The following CAP2 variants were observed in gnomAD, a reference collection of about 807,000 sequenced individuals.
CAP2 encodes cyclase associated actin cytoskeleton regulatory protein 2.
A neutral mutation model predicts 57.7 loss-of-function variants in CAP2; 24 were observed. The observed-to-expected ratio is 0.42, with a 90% CI of 0.30 to 0.58. The LOEUF (loss-of-function observed/expected upper bound fraction) is 0.58, where lower values mean the gene tolerates loss of function less well. Among genes scored for constraint, CAP2 ranks in the 20% least tolerant of loss-of-function variants. CAP2 has a pLI of 0.22. For missense variants in CAP2, 501 were observed against 590.3 expected (o/e 0.85, Z 1.57); for synonymous variants, 194 against 207.2 (o/e 0.94, Z 0.55).
At chr6:17,506,979 A>G (rs1159742351) in intron 4 of CAP2, among the ~76,000 whole-genome samples, 190 bp from the exon 5 acceptor site, 1 of 152,236 alleles carries the variant, frequency 6.6e-6, no homozygotes, top group Non-Finnish European at 1.5e-5. Context: ...TTCATACTTC[A>G]GACAGTAAAA....
At chr6:17,421,727 T>C in intron 2 of CAP2, 51 bp downstream of exon 2, 1 of 1,605,316 alleles carries the variant, frequency 6.2e-7, no homozygotes, top group Non-Finnish European at 8.5e-7. Flanking sequence ...GTTACTTCAT[T>C]TTGTTTCCAT....
chr6:17,548,333 C>G (rs1490853259), intron 11 of CAP2, among the ~76,000 whole-genome samples: 1 of 151,210 alleles, frequency 6.6e-6, no homozygotes, highest in East Asian at 1.9e-4. Context: ...CGCCACTGCA[C>G]TCCAGCCTGG....
intron 4 of CAP2, among the ~76,000 whole-genome samples, 168 bp from the exon 5 acceptor site, chr6:17,507,001 C>T (rs1456442145): frequency 3.3e-5 from 5 of 152,142 alleles, no homozygotes; most frequent in Non-Finnish European, 5.9e-5. Context: ...CACGGCATTA[C>T]CATAACCAAG....
intron 4 of CAP2, among the ~76,000 whole-genome samples, chr6:17,498,967 G>A (rs1301243945): frequency 6.6e-6 from 1 of 151,656 alleles, no homozygotes; most frequent in African/African-American, 2.4e-5. Flanking sequence ...CTGACCTCGT[G>A]ATCCGCCCTC....
Position 17,400,809 on chromosome 6 carries a change from G to A in CAP2, c.-2+7063G>A, listed in dbSNP as rs372897100. 1.3e-4 allele frequency among the ~76,000 whole-genome samples: 19 copies of A among 150,858 alleles called. No homozygotes were observed. The East Asian group carries it at 3.1e-3, about 25-fold the overall frequency. Reference sequence around the variant, plus strand: ...GAACCCAGGAGGCAGAGCTTGCAGTGAGCCGAGATCGCGCCATTGCATTCC... The same window carrying A: ...GAACCCAGGAGGCAGAGCTTGCAGTAAGCCGAGATCGCGCCATTGCATTCC... On this transcript the variant is annotated intron_variant, in intron 1 of 12. Transcript: ENST00000229922.
chr6:17,397,673 C>T (rs1461015238), intron 1 of CAP2, among the ~76,000 whole-genome samples: 5 of 123,626 alleles, frequency 4.0e-5, no homozygotes, highest in Non-Finnish European at 6.2e-5. Context: ...CCAGCCTGGG[C>T]GACAGAGCGA....
In CAP2 at chr6:17,538,312, C is replaced by T. The variant is rs185267647; in HGVS notation, c.637-957C>T. Among the ~76,000 whole-genome samples the T allele has an allele frequency of 5.9e-5, 9 of 151,762 alleles. No homozygotes were observed. In the East Asian group the frequency reaches 1.8e-3, roughly 30 times the overall value. On this transcript the variant is annotated intron_variant, in intron 7 of 12. Transcript: ENST00000229922. ...AAAAAAAAAAAAATTAAAAATTAGC[C>T]AGTTAGAGTGGCACATGCCTGTTGT...
At chr6:17,429,762 T>C (rs996792639) in intron 3 of CAP2, among the ~76,000 whole-genome samples, 4 of 152,180 alleles carry the variant, frequency 2.6e-5, no homozygotes, top group African/African-American at 9.7e-5. Flanking sequence ...GAAACACTTG[T>C]CATCTGAAAG....
At chr6:17,506,404 G>A (rs1043617741) in intron 4 of CAP2, among the ~76,000 whole-genome samples, 15 of 152,188 alleles carry the variant, frequency 9.9e-5, no homozygotes, top group African/African-American at 3.4e-4. Flanking sequence ...TGTAATCCCA[G>A]TACTTTGGGA....
intron 1 of CAP2, among the ~76,000 whole-genome samples, chr6:17,411,075 A>T (rs1759132206): frequency 6.6e-6 from 1 of 152,160 alleles, no homozygotes; most frequent in South Asian, 2.1e-4. Context: ...ACTTTCATTT[A>T]GTGTAATGCT....
intron 4 of CAP2, among the ~76,000 whole-genome samples, chr6:17,490,792 C>T (rs1333048481): frequency 6.6e-6 from 1 of 152,168 alleles, no homozygotes; most frequent in Non-Finnish European, 1.5e-5. Context: ...ACTGGGGCAG[C>T]CAGGGCAGCA....
chr6:17,441,271 G>A (rs182767218), intron 3 of CAP2, among the ~76,000 whole-genome samples: 1 of 151,300 alleles, frequency 6.6e-6, no homozygotes, highest in Non-Finnish European at 1.5e-5. Context: ...ATTTCACAGT[G>A]GCAAAGAGAA....
intron 7 of CAP2, among the ~76,000 whole-genome samples, chr6:17,515,336 C>T (rs1440675269): frequency 6.6e-6 from 1 of 152,194 alleles, no homozygotes; most frequent in African/African-American, 2.4e-5. Flanking sequence ...AGACCACTAT[C>T]CTAAGCTAAT....
At chr6:17,398,580 A>AGT (rs1203401567) in intron 1 of CAP2, among the ~76,000 whole-genome samples, 5 of 150,440 alleles carry the variant, frequency 3.3e-5, no homozygotes, top group Non-Finnish European at 7.4e-5. Context: ...GCTGGAGTGC[A>AGT]GTGGCACGAT....
chr6:17,550,359 AGCCCTATGTGTACCT>A (rs938375530), intron 11 of CAP2, among the ~76,000 whole-genome samples: 2 of 146,978 alleles, frequency 1.4e-5, no homozygotes, highest in African/African-American at 5.0e-5. Flanking sequence ...TTTGTAGTAG[AGCCCTATGTGTACCT>A]GACCTTGAAC....
At chr6:17,446,706 T>C (rs1262802751) in intron 3 of CAP2, among the ~76,000 whole-genome samples, 1 of 152,248 alleles carries the variant, frequency 6.6e-6, no homozygotes, top group African/African-American at 2.4e-5. Flanking sequence ...GTTGCTGTTA[T>C]CATCAGAAGA....
intron 4 of CAP2, among the ~76,000 whole-genome samples, chr6:17,471,289 G>A (rs1203517576): frequency 1.3e-5 from 2 of 152,212 alleles, no homozygotes; most frequent in Non-Finnish European, 2.9e-5. Flanking sequence ...GTGCTGCTAA[G>A]TTCTGTTGTC....
intron 4 of CAP2, among the ~76,000 whole-genome samples, chr6:17,470,346 G>A (rs1379490237): frequency 1.3e-5 from 2 of 152,140 alleles, no homozygotes; most frequent in Non-Finnish European, 2.9e-5. Context: ...GTTATTGTGA[G>A]GATTAAATGA....
At position 17,507,159 on chromosome 6, in the gene CAP2, C is replaced by G. The variant is rs1166807235; in HGVS notation, c.301-10C>G. On this transcript the variant is annotated splice_polypyrimidine_tract_variant and intron_variant, in intron 4 of 12. Coordinates refer to ENST00000229922, the MANE Select transcript of CAP2 (RefSeq NM_006366.3). The stretch of plus-strand genomic sequence containing the variant: ...TGTAGTAAAAGCCCCCGATGTTTGA[C>G]TGCTTACAGAATGACGTGGCCGCAC... 1.9e-6 allele frequency: 3 copies of G among 1,614,080 alleles called. No homozygotes were observed. Among genetic ancestry groups the G allele is most frequent in the Non-Finnish European group, 2.5e-6 (3 of 1,180,020 alleles).
Sources: gnomAD v4.1 joint callset for allele counts (sites outside exome capture counted in the v4.1 genomes callset) on GRCh38, gnomAD v4.1.1 for gene constraint, MANE v1.5 for transcripts, NCBI Gene and HGNC (gene_info 2026-07-23, HGNC 2026-07-21) for gene names.